Variants in DIP2C observed in about 807,000 individuals in gnomAD.
DIP2C encodes DIP2 acetate--CoA ligase C (putative).
A neutral mutation model predicts 192.4 loss-of-function variants in DIP2C; 33 were observed. The observed-to-expected ratio is 0.17, with a 90% CI of 0.13 to 0.23. The LOEUF is 0.23. Among genes scored for constraint, DIP2C ranks in the 10% least tolerant of loss-of-function variants. The probability of loss-of-function intolerance (pLI) is 1.00; values close to 1 mark genes in which losing one functional copy is unlikely to be tolerated. For missense variants in DIP2C, 1,537 were observed against 2,110.1 expected, an observed-to-expected ratio of 0.73 and a Z score of 5.32; for synonymous variants, 979 against 864.1, an observed-to-expected ratio of 1.13 and a Z score of -2.33.
intron 1 of DIP2C, among the ~76,000 whole-genome samples, chr10:577,449 T>G (rs772909171): frequency 6.6e-6 from 1 of 152,248 alleles, no homozygotes; most frequent in Non-Finnish European, 1.5e-5. Context: ...TTTCTCATGC[T>G]AAGCCGTCAC....
intron 17 of DIP2C, among the ~76,000 whole-genome samples, chr10:379,923 G>A (rs1320247980): frequency 6.6e-6 from 1 of 151,008 alleles, no homozygotes; most frequent in Non-Finnish European, 1.5e-5. Flanking sequence ...TGGTTAACAG[G>A]CAGAAAAGGC....
Position 337,025 on chromosome 10 carries a change from G to GCA in DIP2C, c.3584+4173_3584+4174insTG, listed in dbSNP as rs1248387390. 2.5e-3 allele frequency among the ~76,000 whole-genome samples: 268 copies of GCA among 107,764 alleles called. 3 individuals are homozygous for GCA. The highest frequency in any genetic ancestry group is 4.2e-3 in the Non-Finnish European group (220 of 52,450). The allele number at this position is 107,764 out of a possible 152,430, so 70.7% of individuals were successfully genotyped here. ...GGCCTAGGCAGCTGTGTGTGTGTGT[G>GCA]TGTGTGTTGTGGAGGCCTAGACTGG... is the stretch of plus-strand genomic sequence containing the variant. On this transcript the variant is annotated intron_variant, in intron 29 of 36. Transcript: ENST00000280886.
At chr10:687,253 G>T (rs1422758423) in intron 1 of DIP2C, among the ~76,000 whole-genome samples, 1 of 152,214 alleles carries the variant, frequency 6.6e-6, no homozygotes, top group African/African-American at 2.4e-5. Flanking sequence ...AAAACAAGTT[G>T]ATTCATCTAA....
In DIP2C at chr10:477,972, G is replaced by A. The variant is rs562093808; in HGVS notation, c.158-5423C>T. On this transcript the variant is annotated intron_variant, in intron 2 of 36. Coordinates refer to ENST00000280886, the MANE Select transcript of DIP2C (RefSeq NM_014974.3). ...AGAAGGAAAGAAAAGAGAAGGAAGGGAACAGAAAGTAGAAGAGAAGATAGA... is the reference window on the plus strand; with the variant it reads ...AGAAGGAAAGAAAAGAGAAGGAAGGAAACAGAAAGTAGAAGAGAAGATAGA... Among the ~76,000 whole-genome samples, 6 of 83,174 alleles carry A rather than the reference G, an allele frequency of 7.2e-5. No homozygotes were observed. The South Asian group carries it at 1.6e-3, about 22-fold the overall frequency. The allele number at this position is 83,174 out of a possible 152,430, so 54.6% of individuals were successfully genotyped here.
At chr10:372,036 C>T (rs899757520) in intron 17 of DIP2C, among the ~76,000 whole-genome samples, 2 of 150,980 alleles carry the variant, frequency 1.3e-5, no homozygotes, top group Non-Finnish European at 2.9e-5. Context: ...GGCCCAAAAA[C>T]GTATGTTTTA....
intron 3 of DIP2C, among the ~76,000 whole-genome samples, chr10:458,455 T>C (rs900048134): frequency 3.3e-5 from 5 of 152,228 alleles, no homozygotes; most frequent in African/African-American, 1.2e-4. Context: ...GCAAGGAGGA[T>C]GCCCTCTACA....
chr10:326,956 C>A (rs1208036157), intron 31 of DIP2C, 50 bp downstream of exon 31: 24 of 1,575,898 alleles, frequency 1.5e-5, no homozygotes, highest in Non-Finnish European at 2.0e-5. Context: ...GCTGTACCCA[C>A]CCCGGGAGCC....
intron 1 of DIP2C, among the ~76,000 whole-genome samples, chr10:670,361 T>TACACACATGC (rs1321105727): frequency 8.5e-5 from 13 of 152,054 alleles, no homozygotes; most frequent in African/African-American, 3.1e-4. Context: ...TACATACACA[T>TACACACATGC]ACACACATGC....
chr10:587,748 G>A (rs1851164896), intron 1 of DIP2C, among the ~76,000 whole-genome samples: 1 of 118,954 alleles, frequency 8.4e-6, no homozygotes, highest in Admixed American at 7.9e-5. Flanking sequence ...ACCAGCCACT[G>A]CCTCAGCCCT....
intron 31 of DIP2C, among the ~76,000 whole-genome samples, chr10:317,304 G>A (rs1475356074): frequency 6.6e-6 from 1 of 152,212 alleles, no homozygotes; most frequent in Non-Finnish European, 1.5e-5. Flanking sequence ...ACTGGCTTTC[G>A]TAAAGTTTGA....
At chr10:494,561 C>T (rs1259131706) in intron 1 of DIP2C, among the ~76,000 whole-genome samples, 1 of 152,174 alleles carries the variant, frequency 6.6e-6, no homozygotes, top group African/African-American at 2.4e-5. Flanking sequence ...CAAGAGGCTG[C>T]TCAACCAGTC....
At chr10:501,854 T>G (rs1461154357) in intron 1 of DIP2C, among the ~76,000 whole-genome samples, 3 of 152,172 alleles carry the variant, frequency 2.0e-5, no homozygotes, top group Non-Finnish European at 4.4e-5. Context: ...TCGTGGCACT[T>G]CAATTCCTGG....
intron 1 of DIP2C, among the ~76,000 whole-genome samples, chr10:532,540 GGT>G (rs543599209): frequency 7.9e-5 from 10 of 126,084 alleles, no homozygotes; most frequent in Non-Finnish European, 1.5e-4. Flanking sequence ...AGAGAGTATG[GGT>G]GTGAGAGAGT....
intron 1 of DIP2C, among the ~76,000 whole-genome samples, chr10:501,091 A>G (rs1845193241): frequency 6.6e-6 from 1 of 152,124 alleles, no homozygotes; most frequent in Admixed American, 6.6e-5. Flanking sequence ...GCTGCGGGCA[A>G]CCCTCCAGGA....
intron 1 of DIP2C, among the ~76,000 whole-genome samples, chr10:539,067 C>A (rs964241813): frequency 1.3e-5 from 2 of 152,172 alleles, no homozygotes; most frequent in African/African-American, 4.8e-5. Context: ...CTGTTCACGT[C>A]ATTCCGTGCG....
intron 4 of DIP2C, among the ~76,000 whole-genome samples, chr10:429,095 C>T (rs12263864): frequency 0.18 from 27,512 of 151,992 alleles, 6,247 homozygotes; most frequent in African/African-American, 0.54. Flanking sequence ...TTCTTGGTGT[C>T]GTACAATATA....
At position 467,578 on chromosome 10, in the gene DIP2C, A is replaced by G. The variant is rs566602074; in HGVS notation, c.268+4861T>C. Among the ~76,000 whole-genome samples, 932 of 151,624 alleles carry G rather than the reference A, an allele frequency of 6.1e-3. 3 individuals are homozygous for G. Among genetic ancestry groups the G allele is most frequent in the Non-Finnish European group, 0.01 (705 of 67,840 alleles). On this transcript the variant is annotated intron_variant, in intron 3 of 36. Transcript: ENST00000280886. ...ATTATTTAAGTGTAAAAAAAAAAAA[A>G]AAAGAAAATGTGGCATATATATACC... is the stretch of plus-strand genomic sequence containing the variant.
At position 277,047 on chromosome 10, in the gene DIP2C, A is replaced by C. The variant is rs1283852206; in HGVS notation, c.*278T>G. The stretch of plus-strand genomic sequence containing the variant: ...GCACTTATTATCCAATAATTAAAAA[A>C]GAAAGAAAAGAAAAGAAAGTTTTGA... On this transcript the variant is annotated 3_prime_UTR_variant, in exon 37 of 37. Coordinates refer to ENST00000280886, the MANE Select transcript of DIP2C (RefSeq NM_014974.3). 3.2e-6 allele frequency: 1 copy of C among 315,714 alleles called. No homozygotes were observed. The highest frequency in any genetic ancestry group is 4.9e-5 in the East Asian group (1 of 20,478). 19.6% of individuals were successfully genotyped at this position (315,714 alleles called of 1,614,324 possible). A position where few individuals can be genotyped will look rare whatever the true frequency, so the allele number is the denominator to read the frequency against.
At position 292,192 on chromosome 10, in the gene DIP2C, C is replaced by T. The variant is rs372621742; in HGVS notation, c.3987-3771G>A. On this transcript the variant is annotated intron_variant, in intron 32 of 36. Transcript: ENST00000280886. ...GAACTTTGTGCCACTTTTCTTGCTG[C>T]CTCCAACGTGCATTACTGCTGCCCA... 4.6e-5 allele frequency among the ~76,000 whole-genome samples: 7 copies of T among 152,244 alleles called. No individual in the cohort carries two copies. The East Asian group carries it at 1.2e-3, about 25-fold the overall frequency.
Sources: allele counts gnomAD v4.1 joint callset (sites outside exome capture counted in the v4.1 genomes callset), GRCh38; gene constraint gnomAD v4.1.1; transcripts MANE v1.5; gene names NCBI Gene and HGNC (gene_info 2026-07-23, HGNC 2026-07-21).